Variants in SGCZ observed in about 807,000 individuals in gnomAD.
SGCZ encodes the protein zeta-sarcoglycan.
In SGCZ, 40 loss-of-function variants were observed where a neutral mutation model predicts 41.3. The ratio of observed to expected loss-of-function variants is 0.97; its 90% CI spans 0.75 to 1.26. The LOEUF (loss-of-function observed/expected upper bound fraction) is 1.26, where lower values mean the gene tolerates loss of function less well. Ranked by LOEUF, SGCZ falls within the 50% of genes most tolerant of loss-of-function variation. The probability of loss-of-function intolerance (pLI) is 0.00; values close to 1 mark genes in which losing one functional copy is unlikely to be tolerated. For synonymous variants in SGCZ, 206 were observed against 137.5 expected (o/e 1.50, Z -3.49); for missense variants, 552 against 369.8 (o/e 1.49, Z -4.04).
Position 14,514,093 on chromosome 8 carries a change from GAGA to G in SGCZ, c.234+40636_234+40638del, listed in dbSNP as rs200261656. Among the ~76,000 whole-genome samples, 102 of 152,166 alleles carry G rather than the reference GAGA, an allele frequency of 6.7e-4. 1 individual carries two copies. In the East Asian group the frequency reaches 0.019, roughly 28 times the overall value. ...TGATAGCAGCATAGGTTAGTCCTTTGAGAAGATTTTCTTTTCTTTTTTTGCTGG... is the reference window on the plus strand; with the variant it reads ...TGATAGCAGCATAGGTTAGTCCTTTGAGATTTTCTTTTCTTTTTTTGCTGG... On this transcript the variant is annotated intron_variant, in intron 2 of 7. Coordinates refer to ENST00000382080, the MANE Select transcript of SGCZ (RefSeq NM_139167.4).
chr8:14,995,914 T>A (rs1274303018), intron 1 of SGCZ, among the ~76,000 whole-genome samples: 3 of 151,938 alleles, frequency 2.0e-5, no homozygotes, highest in African/African-American at 7.3e-5. Flanking sequence ...TTTCTTTGCT[T>A]TTTTTTTGAG....
At chr8:15,186,262 C>CAAACAAAAAAAA (rs1800338551) in intron 1 of SGCZ, among the ~76,000 whole-genome samples, 1 of 80,718 alleles carries the variant, frequency 1.2e-5, no homozygotes, top group East Asian at 3.1e-4. Flanking sequence ...GATTCCGTAC[C>CAAACAAAAAAAA]AAAAAAAAAA....
rs191346263 is a variant in SGCZ at position 14,556,286 on chromosome 8, G to A, written c.40-1360C>T. 2.3e-3 allele frequency among the ~76,000 whole-genome samples: 350 copies of A among 151,014 alleles called. 1 individual carries two copies. Among genetic ancestry groups the A allele is most frequent in the Middle Eastern group, 7.0e-3 (2 of 286 alleles). Reference sequence around the variant, plus strand: ...ATTGCTTTTATACTTATTAAATGACGAATCTAACATAAATACTTCTGAATA... The same window carrying A: ...ATTGCTTTTATACTTATTAAATGACAAATCTAACATAAATACTTCTGAATA... On this transcript the variant is annotated intron_variant, in intron 1 of 7. Coordinates refer to ENST00000382080, the MANE Select transcript of SGCZ (RefSeq NM_139167.4).
At chr8:14,497,670 A>T (rs986985938) in intron 2 of SGCZ, among the ~76,000 whole-genome samples, 4 of 151,970 alleles carry the variant, frequency 2.6e-5, no homozygotes, top group African/African-American at 9.7e-5. Flanking sequence ...TCTTCTTCCA[A>T]TGTGGCCCAG....
At chr8:14,945,053 G>C (rs1465973567) in intron 1 of SGCZ, among the ~76,000 whole-genome samples, 1 of 150,914 alleles carries the variant, frequency 6.6e-6, no homozygotes, top group Admixed American at 6.7e-5. Flanking sequence ...GTGAAAGTTT[G>C]TGCTACAGAG....
intron 1 of SGCZ, among the ~76,000 whole-genome samples, chr8:14,826,242 G>C (rs1048411643): frequency 6.6e-6 from 1 of 152,022 alleles, no homozygotes; most frequent in East Asian, 1.9e-4. Context: ...CTTCATCCAT[G>C]TCCCTACAAA....
At position 15,179,484 on chromosome 8, in the gene SGCZ, C is replaced by G. The variant is rs574165302; in HGVS notation, c.39+58101G>C. 2.0e-5 allele frequency among the ~76,000 whole-genome samples: 3 copies of G among 152,198 alleles called. 1 individual carries two copies. The South Asian group carries it at 6.2e-4, about 32-fold the overall frequency. ...AGGCATTAAAGGGTTTTCATGATCT[C>G]AAGATGTTCTGATAATTACAAACCA... On this transcript the variant is annotated intron_variant, in intron 1 of 7. Transcript: ENST00000382080.
At chr8:15,167,268 G>A (rs183843090) in intron 1 of SGCZ, among the ~76,000 whole-genome samples, 3 of 152,324 alleles carry the variant, frequency 2.0e-5, no homozygotes, top group Non-Finnish European at 2.9e-5. Context: ...GGCTTTGACT[G>A]GATAGGTATG....
intron 4 of SGCZ, among the ~76,000 whole-genome samples, chr8:14,173,006 A>G (rs555785206): frequency 3.9e-5 from 6 of 152,152 alleles, no homozygotes; most frequent in Non-Finnish European, 8.8e-5. Context: ...TATTTCCCTA[A>G]GCACCCTGGA....
intron 3 of SGCZ, among the ~76,000 whole-genome samples, chr8:14,289,241 C>G (rs751959950): frequency 1.3e-5 from 2 of 149,518 alleles, no homozygotes; most frequent in Non-Finnish European, 3.0e-5. Context: ...TTTCTTGATA[C>G]TGTCCTTTAA....
At chr8:14,949,370 A>T (rs536247404) in intron 1 of SGCZ, among the ~76,000 whole-genome samples, 1 of 152,274 alleles carries the variant, frequency 6.6e-6, no homozygotes. Flanking sequence ...AAGTACAGAA[A>T]ATTAGGTCTG....
chr8:14,503,342 C>A (rs1017125438), intron 2 of SGCZ, among the ~76,000 whole-genome samples: 1 of 152,004 alleles, frequency 6.6e-6, no homozygotes, highest in African/African-American at 2.4e-5. Flanking sequence ...GAATACCTAA[C>A]GTAGATGATG....
chr8:14,443,360 C>G (rs532493251), intron 2 of SGCZ, among the ~76,000 whole-genome samples: 39 of 152,262 alleles, frequency 2.6e-4, no homozygotes, highest in African/African-American at 8.2e-4. Flanking sequence ...CAAGTCAATC[C>G]TAAGCCAAAA....
At chr8:14,822,357 G>T (rs970960668) in intron 1 of SGCZ, among the ~76,000 whole-genome samples, 10 of 152,094 alleles carry the variant, frequency 6.6e-5, no homozygotes, top group African/African-American at 2.4e-4. Context: ...TAAGTGTAAA[G>T]ATATTCCACA....
At chr8:15,174,861 G>A (rs1474855182) in intron 1 of SGCZ, among the ~76,000 whole-genome samples, 2 of 152,186 alleles carry the variant, frequency 1.3e-5, no homozygotes, top group Non-Finnish European at 2.9e-5. Flanking sequence ...TGCTGGTAAG[G>A]TTGTGGAGTC....
intron 1 of SGCZ, among the ~76,000 whole-genome samples, chr8:14,706,467 G>T (rs1022127030): frequency 6.6e-6 from 1 of 151,946 alleles, no homozygotes; most frequent in Non-Finnish European, 1.5e-5. Context: ...ATGCCTTTTT[G>T]ATTGTAGACA....
chr8:14,587,981 T>TC (rs1805115563), intron 1 of SGCZ, among the ~76,000 whole-genome samples: 3 of 152,268 alleles, frequency 2.0e-5, no homozygotes, highest in East Asian at 3.9e-4. Context: ...TCAATGGCTT[T>TC]CAGTGGCATC....
At chr8:14,164,198 T>C (rs930713133) in intron 5 of SGCZ, among the ~76,000 whole-genome samples, 1 of 152,186 alleles carries the variant, frequency 6.6e-6, no homozygotes, top group Non-Finnish European at 1.5e-5. Context: ...CCCCCTTACT[T>C]AATTCTAAAG....
At chr8:14,919,820 G>A (rs1395804606) in intron 1 of SGCZ, among the ~76,000 whole-genome samples, 1 of 151,704 alleles carries the variant, frequency 6.6e-6, no homozygotes, top group African/African-American at 2.4e-5. Context: ...CGGGAAACTG[G>A]GGCAGTAGAA....
Sources: allele counts gnomAD v4.1 joint callset (sites outside exome capture counted in the v4.1 genomes callset), GRCh38; gene constraint gnomAD v4.1.1; transcripts MANE v1.5; gene names NCBI Gene and HGNC (gene_info 2026-07-23, HGNC 2026-07-21).